MRPS18A: variants seen among roughly 807,000 people sequenced by gnomAD.
The protein encoded by MRPS18A is mitochondrial ribosomal protein S18A.
MRPS18A carries 20 observed loss-of-function variants against 22.7 expected under a neutral mutation model. The ratio of observed to expected loss-of-function variants is 0.88; its 90% CI spans 0.62 to 1.28. The LOEUF is 1.28. Among genes scored for constraint, MRPS18A ranks in the 50% most tolerant of loss-of-function variants. MRPS18A has a pLI of 0.00. For missense variants in MRPS18A, 294 were observed against 262.6 expected (o/e 1.12, Z -0.83); for synonymous variants, 106 against 99.1 (o/e 1.07, Z -0.41).
chr6:43,678,180 C>T (rs1774166671), intron 3 of MRPS18A, among the ~76,000 whole-genome samples: 2 of 152,068 alleles, frequency 1.3e-5, no homozygotes, highest in Non-Finnish European at 2.9e-5. Flanking sequence ...TGCTCAGGCC[C>T]CACCCCCCGA....
intron 1 of MRPS18A, 141 bp from the exon 2 acceptor site, chr6:43,681,261 G>T: frequency 1.1e-6 from 1 of 902,436 alleles, no homozygotes; most frequent in Non-Finnish European, 1.7e-6. Flanking sequence ...AGAACAGAAA[G>T]CATGCAGGGT....
At position 43,671,228 on chromosome 6, in the gene MRPS18A, A is replaced by G. The variant is rs1488311645; in HGVS notation, c.*534T>C. Reference sequence around the variant, plus strand: ...TTGAGGAACGCAGTTTCTTGGATTCACACGAGAGCGGCAAGTGTGTCAGGC... The same window carrying G: ...TTGAGGAACGCAGTTTCTTGGATTCGCACGAGAGCGGCAAGTGTGTCAGGC... On this transcript the variant is annotated 3_prime_UTR_variant, in exon 6 of 6. Coordinates refer to ENST00000372133, the MANE Select transcript of MRPS18A (RefSeq NM_018135.4). 3.6e-6 allele frequency: 2 copies of G among 552,648 alleles called. No homozygotes were observed. The highest frequency in any genetic ancestry group is 3.2e-6 in the Non-Finnish European group (1 of 309,116). The allele number at this position is 552,648 out of a possible 1,614,324, so 34.2% of individuals were successfully genotyped here. A position where few individuals can be genotyped will look rare whatever the true frequency, so the allele number is the denominator to read the frequency against.
chr6:43,680,994 G>T, intron 2 of MRPS18A, 95 bp downstream of exon 2: 2 of 1,143,678 alleles, frequency 1.7e-6, no homozygotes, highest in Non-Finnish European at 2.6e-6. Flanking sequence ...TCCTGGAGCT[G>T]GGCGTCCAGT....
intron 5 of MRPS18A, among the ~76,000 whole-genome samples, chr6:43,674,863 C>T (rs1773962620): frequency 6.6e-6 from 1 of 152,190 alleles, no homozygotes; most frequent in Non-Finnish European, 1.5e-5. Flanking sequence ...GGCCTTCTGT[C>T]CTCTAATAAC....
chr6:43,678,127 A>G (rs1367334644), intron 3 of MRPS18A, among the ~76,000 whole-genome samples: 1 of 152,144 alleles, frequency 6.6e-6, no homozygotes, highest in African/African-American at 2.4e-5. Flanking sequence ...AGTGGCTCTC[A>G]ACCCTGGTTG....
rs1483667563 is a variant in MRPS18A at position 43,671,805 on chromosome 6, T to C, written c.548A>G (p.Asp183Gly). 6.2e-7 allele frequency: 1 copy of C among 1,614,212 alleles called. No individual in the cohort carries two copies. Among genetic ancestry groups the C allele is most frequent in the South Asian group, 1.1e-5 (1 of 91,090 alleles). ...AGGTGTTCTTGAGTAGCAGACATTG[T>C]CCCTCAGAAGGGGTGACCCCACGGG... is the stretch of plus-strand genomic sequence containing the variant. ...RMPVGSPLLRDNVCYSRTPWK... is the reference protein window; with the variant it reads ...RMPVGSPLLRGNVCYSRTPWK... Residue 183 changes from aspartate (D) to glycine (G), a missense_variant, in exon 6 of 6, where the codon GAC becomes GGC. Physicochemically the swap from Asp to Gly is moderately conservative, Grantham distance 94. Coordinates refer to ENST00000372133, the MANE Select transcript of MRPS18A (RefSeq NM_018135.4).
chr6:43,673,362 C>T lies in MRPS18A; in HGVS notation c.447-1456G>A, dbSNP rs986587391. On this transcript the variant is annotated intron_variant, in intron 5 of 5. Transcript: ENST00000372133. The surrounding 1 kb of genome is among the most constrained non-coding windows in gnomAD (Gnocchi z 4.2). ...AGGGATGGCCCCTTTGCTGGCCTCT[C>T]CCAGGCTTCAGAGGGGTACATGAAG... is the stretch of plus-strand genomic sequence containing the variant. Among the ~76,000 whole-genome samples, 2 of 152,172 alleles carry T rather than the reference C, an allele frequency of 1.3e-5. No individual in the cohort carries two copies. The highest frequency in any genetic ancestry group is 2.9e-5 in the Non-Finnish European group (2 of 68,028).
intron 1 of MRPS18A, among the ~76,000 whole-genome samples, chr6:43,682,103 G>C (rs1409340119): frequency 1.3e-5 from 2 of 152,170 alleles, no homozygotes; most frequent in East Asian, 3.9e-4. Flanking sequence ...AGGAGTTAAG[G>C]AGACCAGCCT....
Position 43,687,784 on chromosome 6 carries a change from A to G in MRPS18A, c.-5T>C. Reference sequence around the variant, plus strand: ...CAGAGCCTTGAGGGCCGCCATCTTCAAAAACCTACCCTGACCTCTCGTCCA... The same window carrying G: ...CAGAGCCTTGAGGGCCGCCATCTTCGAAAACCTACCCTGACCTCTCGTCCA... On this transcript the variant is annotated 5_prime_UTR_variant, in exon 1 of 6. Transcript: ENST00000372133. The G allele has an allele frequency of 6.4e-7, 1 of 1,562,850 alleles. No individual in the cohort carries two copies. The highest frequency in any genetic ancestry group is 8.7e-7 in the Non-Finnish European group (1 of 1,153,092).
rs138990033 is a variant in MRPS18A at position 43,671,463 on chromosome 6, G to T, written c.*299C>A. ...GCGCACACCCAATGGGTAAGCCCAT[G>T]AACCCAGTTTATGACACTGCGTTGG... On this transcript the variant is annotated 3_prime_UTR_variant, in exon 6 of 6. Coordinates refer to ENST00000372133, the MANE Select transcript of MRPS18A (RefSeq NM_018135.4). The T allele has an allele frequency of 4.6e-4, 222 of 479,690 alleles. 2 individuals are homozygous for T. The highest frequency in any genetic ancestry group is 4.1e-3 in the Middle Eastern group (7 of 1,710). 29.7% of individuals were successfully genotyped at this position (479,690 alleles called of 1,614,324 possible).
In MRPS18A at chr6:43,671,602, G is replaced by A; in HGVS notation, c.*160C>T. ...AGCATTGCTACTGTGCAGGCCAAGG[G>A]TACTGAAGTTAGTCCCACTGTCCCC... On this transcript the variant is annotated 3_prime_UTR_variant, in exon 6 of 6. Coordinates refer to ENST00000372133, the MANE Select transcript of MRPS18A (RefSeq NM_018135.4). 1 of 802,762 alleles carries A rather than the reference G, an allele frequency of 1.2e-6. No homozygotes were observed. Among genetic ancestry groups the A allele is most frequent in the East Asian group, 2.6e-5 (1 of 38,152 alleles). 49.7% of individuals were successfully genotyped at this position (802,762 alleles called of 1,614,324 possible).
At chr6:43,683,286 T>G (rs75470100) in intron 1 of MRPS18A, among the ~76,000 whole-genome samples, 1,588 of 152,240 alleles carry the variant, frequency 0.01, 25 homozygotes, top group African/African-American at 0.035. Flanking sequence ...CAGAGACAAT[T>G]TGTCAAACCA....
chr6:43,672,271 G>A (rs111741171), intron 5 of MRPS18A: 7 of 443,842 alleles, frequency 1.6e-5, no homozygotes, highest in African/African-American at 8.0e-5. Flanking sequence ...AAGAGCTGAT[G>A]TAAGGCTCTG....
At chr6:43,678,290 A>G (rs1774172518) in intron 3 of MRPS18A, among the ~76,000 whole-genome samples, 1 of 152,122 alleles carries the variant, frequency 6.6e-6, no homozygotes, top group African/African-American at 2.4e-5. Flanking sequence ...ACATCTATGA[A>G]GTGGCTTGGG....
intron 5 of MRPS18A, among the ~76,000 whole-genome samples, chr6:43,672,823 G>A (rs1441325983): frequency 1.3e-5 from 2 of 152,186 alleles, no homozygotes; most frequent in Non-Finnish European, 2.9e-5. Context: ...GCTGGACCTT[G>A]GTCTTCTGCT....
At chr6:43,682,806 G>C (rs1774489438) in intron 1 of MRPS18A, among the ~76,000 whole-genome samples, 1 of 152,216 alleles carries the variant, frequency 6.6e-6, no homozygotes, top group Non-Finnish European at 1.5e-5. Context: ...GGAGGATGGG[G>C]AGAAATGAAG....
At chr6:43,678,746 G>T in intron 2 of MRPS18A, 121 bp from the exon 3 acceptor site, 1 of 700,806 alleles carries the variant, frequency 1.4e-6, no homozygotes, top group South Asian at 1.7e-5. Context: ...GGTTCTTGTG[G>T]GAGTAGCTAA....
chr6:43,675,285 AAG>A lies in MRPS18A; in HGVS notation c.377-16_377-15del. 1.3e-6 allele frequency: 2 copies of A among 1,530,788 alleles called. No homozygotes were observed. Among genetic ancestry groups the A allele is most frequent in the South Asian group, 2.6e-5 (2 of 77,458 alleles). The allele number at this position is 1,530,788 out of a possible 1,614,324, so 94.8% of individuals were successfully genotyped here. A position where few individuals can be genotyped will look rare whatever the true frequency, so the allele number is the denominator to read the frequency against. On this transcript the variant is annotated splice_polypyrimidine_tract_variant and intron_variant, in intron 4 of 5. Coordinates refer to ENST00000372133, the MANE Select transcript of MRPS18A (RefSeq NM_018135.4). ...TTGGTAATAGACCTGAGTGGCGGGG[AAG>A]AGGGGATAGTCTTTGCAGCTCCCTC...
intron 1 of MRPS18A, among the ~76,000 whole-genome samples, chr6:43,683,491 C>T (rs1470413665): frequency 6.6e-6 from 1 of 152,150 alleles, no homozygotes; most frequent in African/African-American, 2.4e-5. Context: ...CAAACAAAAC[C>T]TGATCCATTT....
Sources: allele counts gnomAD v4.1 joint callset (sites outside exome capture counted in the v4.1 genomes callset), GRCh38; gene constraint gnomAD v4.1.1; non-coding constraint Gnocchi (gnomAD v3.1); transcripts MANE v1.5; gene names NCBI Gene and HGNC (gene_info 2026-07-23, HGNC 2026-07-21).